BTF3: variants seen among roughly 807,000 people sequenced by gnomAD.
BTF3 encodes basic transcription factor 3.
In BTF3, 12 loss-of-function variants were observed where a neutral mutation model predicts 23.9. That is an observed-to-expected ratio of 0.50 (90% confidence interval 0.32 to 0.81). BTF3 has a LOEUF of 0.81. BTF3 is among the 40% of genes least tolerant of loss of function. The probability of loss-of-function intolerance (pLI) is 0.03; values close to 1 mark genes in which losing one functional copy is unlikely to be tolerated. For synonymous variants in BTF3, 96 were observed against 94.8 expected, an observed-to-expected ratio of 1.01 and a Z score of -0.07; for missense variants, 215 against 255.9, an observed-to-expected ratio of 0.84 and a Z score of 1.09.
At chr5:73,501,626 A>G (rs374426656) in intron 2 of BTF3, among the ~76,000 whole-genome samples, 2 of 152,182 alleles carry the variant, frequency 1.3e-5, no homozygotes, top group East Asian at 1.9e-4. Context: ...CCCTTGGGTC[A>G]TAGCCTGCTT....
chr5:73,503,034 A>G lies in BTF3; in HGVS notation c.434A>G (p.Glu145Gly). 6.2e-7 allele frequency: 1 copy of G among 1,614,054 alleles called. No homozygotes were observed. Reference sequence around the variant, plus strand: ...CATGCTGAGACAAAGCAGCTGACAGAAATGCTACCCAGCATCTTAAACCAG... The same window carrying G: ...CATGCTGAGACAAAGCAGCTGACAGGAATGCTACCCAGCATCTTAAACCAG... ...TGHAETKQLTEMLPSILNQLG... is the reference protein window; with the variant it reads ...TGHAETKQLTGMLPSILNQLG... Residue 145 changes from glutamate (E) to glycine (G), a missense_variant, in exon 4 of 6, where the codon GAA becomes GGA. By Grantham distance (98) the Glu-to-Gly change is moderately conservative (BLOSUM62 -2). Coordinates refer to ENST00000380591, the MANE Select transcript of BTF3 (RefSeq NM_001037637.2).
At chr5:73,500,867 C>T (rs1321240871) in intron 2 of BTF3, among the ~76,000 whole-genome samples, 1 of 151,376 alleles carries the variant, frequency 6.6e-6, no homozygotes, top group Non-Finnish European at 1.5e-5. Context: ...AAACCAGATA[C>T]ATACATGACC....
chr5:73,501,105 C>T (rs866079317), intron 2 of BTF3, among the ~76,000 whole-genome samples: 15 of 152,194 alleles, frequency 9.9e-5, no homozygotes, highest in Middle Eastern at 3.4e-3. Context: ...TCTTCTTTCA[C>T]AGTGTAATAT....
intron 2 of BTF3, among the ~76,000 whole-genome samples, chr5:73,500,558 A>C (rs975684173): frequency 6.6e-6 from 1 of 152,200 alleles, no homozygotes; most frequent in African/African-American, 2.4e-5. Flanking sequence ...TAATACAAGA[A>C]GTATTTCTGT....
intron 4 of BTF3, 54 bp from the exon 5 acceptor site, chr5:73,504,293 G>GTTTTTTTTTTTTTTT: frequency 7.6e-6 from 1 of 130,940 alleles, no homozygotes; most frequent in East Asian, 9.6e-5. Context: ...TTTTTTTTTT[G>GTTTTTTTTTTTTTTT]GTGAATATTT....
chr5:73,499,507 G>T, intron 2 of BTF3: 1 of 430,742 alleles, frequency 2.3e-6, no homozygotes. Flanking sequence ...TTAGATCGTT[G>T]TGCACATCAT....
chr5:73,504,249 C>G, intron 4 of BTF3, 98 bp from the exon 5 acceptor site: 2 of 780,306 alleles, frequency 2.6e-6, no homozygotes, highest in Non-Finnish European at 3.8e-6. Context: ...TGTAACAACA[C>G]TTGGCATTTC....
Position 73,498,697 on chromosome 5 carries a change from T to C in BTF3, c.30T>C (p.Ala10=). 1 of 1,499,176 alleles carries C rather than the reference T, an allele frequency of 6.7e-7. No individual in the cohort carries two copies. 92.9% of individuals were successfully genotyped at this position (1,499,176 alleles called of 1,614,324 possible). A position where few individuals can be genotyped will look rare whatever the true frequency, so the allele number is the denominator to read the frequency against. ...GACGGACAGGCGCACCCGCTCAGGC[T>C]GACTCTCGGGGGCGAGGTCGAGCCA... MRRTGAPAQ[A]DSRGRGRARG... is the part of the protein sequence containing the mutation. Residue 10 remains alanine, a synonymous_variant, in exon 1 of 6, where the codon GCT becomes GCC. Transcript: ENST00000380591.
rs550156544 is a variant in BTF3 at position 73,503,110 on chromosome 5, C to G, written c.510C>G (p.Pro170=). ...TSLRRLAEAL[P]KQSVDGKAPL... ...TAAGGAGACTGGCCGAAGCTCTGCCCAAACAATGTGAGTTTCCTAGTAATG... is the reference window on the plus strand; with the variant it reads ...TAAGGAGACTGGCCGAAGCTCTGCCGAAACAATGTGAGTTTCCTAGTAATG... The change falls in exon 4 of 6, where the codon CCC becomes CCG. Residue 170 remains proline (P), a synonymous_variant. Transcript: ENST00000380591. 1.1e-5 allele frequency: 17 copies of G among 1,613,260 alleles called. No individual in the cohort carries two copies. The African/African-American group carries it at 2.0e-4, about 19-fold the overall frequency.
At chr5:73,502,667 T>A in intron 3 of BTF3, 66 bp downstream of exon 3, 1 of 1,108,862 alleles carries the variant, frequency 9.0e-7, no homozygotes, top group Non-Finnish European at 1.2e-6. Flanking sequence ...GTTAATGCAT[T>A]AAATGGGTTG....
chr5:73,502,865 T>C, intron 3 of BTF3, 51 bp from the exon 4 acceptor site: 3 of 1,562,886 alleles, frequency 1.9e-6, no homozygotes, highest in Non-Finnish European at 2.6e-6. Flanking sequence ...AACATTTGTT[T>C]TTAAAGAGAC....
chr5:73,503,439 A>G (rs1356981320), intron 4 of BTF3, among the ~76,000 whole-genome samples: 1 of 152,192 alleles, frequency 6.6e-6, no homozygotes, highest in East Asian at 1.9e-4. Flanking sequence ...TGAAAAAAAA[A>G]TTAGTGTAAA....
At position 73,498,649 on chromosome 5, in the gene BTF3, A is replaced by G. The variant is rs1561253304; in HGVS notation, c.-19A>G. 3.3e-6 allele frequency: 5 copies of G among 1,499,032 alleles called. No individual in the cohort carries two copies. Among genetic ancestry groups the G allele is most frequent in the South Asian group, 1.3e-5 (1 of 77,848 alleles). 92.9% of individuals were successfully genotyped at this position (1,499,032 alleles called of 1,614,324 possible). On this transcript the variant is annotated 5_prime_UTR_variant, in exon 1 of 6. Transcript: ENST00000380591. ...GGAGCGAGACAGGGAGGGACAGGGC[A>G]GAGGAGGAGAGGAAGGCGATGCGAC...
In BTF3 at chr5:73,502,575, G is replaced by A. The variant is rs377307371; in HGVS notation, c.289G>A (p.Val97Ile). The A allele has an allele frequency of 1.9e-6, 3 of 1,606,460 alleles. No individual in the cohort carries two copies. The highest frequency in any genetic ancestry group is 2.5e-6 in the Non-Finnish European group (3 of 1,177,974). The change falls in exon 3 of 6, where the codon GTA (valine) becomes ATA (isoleucine). Residue 97 changes from valine (V) to isoleucine (I), a missense_variant. By Grantham distance (29) the Val-to-Ile change is conservative. Transcript: ENST00000380591. ...TCAGTTCTCCTTAAAGAAGTTAGGG[G>A]TAAACAATATCTCTGGTATTGAAGA... The part of the protein sequence containing the change: ...KLQFSLKKLG[V>I]NNISGIEEVN...
rs773973160 is a variant in BTF3, at chr5:73,498,650, G to C, written c.-18G>C. ...GAGCGAGACAGGGAGGGACAGGGCA[G>C]AGGAGGAGAGGAAGGCGATGCGACG... On this transcript the variant is annotated 5_prime_UTR_variant, in exon 1 of 6. Transcript: ENST00000380591. 4.0e-6 allele frequency: 6 copies of C among 1,497,848 alleles called. No individual in the cohort carries two copies. In the South Asian group the frequency reaches 7.8e-5, roughly 19 times the overall value. The allele number at this position is 1,497,848 out of a possible 1,614,324, so 92.8% of individuals were successfully genotyped here.
intron 2 of BTF3, chr5:73,499,496 G>A: frequency 2.2e-6 from 1 of 446,506 alleles, no homozygotes; most frequent in East Asian, 5.0e-5. Context: ...TGTCATTTCA[G>A]TTAGATCGTT....
chr5:73,499,291 C>A, intron 2 of BTF3, 89 bp downstream of exon 2: 1 of 1,392,258 alleles, frequency 7.2e-7, no homozygotes, highest in South Asian at 1.2e-5. Flanking sequence ...CTTATATTAT[C>A]GGTGACAAAC....
chr5:73,504,971 ATTC>A, intron 5 of BTF3: 3 of 451,932 alleles, frequency 6.6e-6, no homozygotes, highest in Middle Eastern at 4.9e-4. Flanking sequence ...GTGTCATTGT[ATTC>A]TTTGGTTCTG....
chr5:73,503,305 A>G (rs1440758431), intron 4 of BTF3, among the ~76,000 whole-genome samples, 188 bp downstream of exon 4: 1 of 152,216 alleles, frequency 6.6e-6, no homozygotes, highest in African/African-American at 2.4e-5. Context: ...GCGTGCCATG[A>G]TTGTTACACT....
Sources: allele counts gnomAD v4.1 joint callset (sites outside exome capture counted in the v4.1 genomes callset), GRCh38; gene constraint gnomAD v4.1.1; transcripts MANE v1.5; gene names NCBI Gene and HGNC (gene_info 2026-07-23, HGNC 2026-07-21).